SNX25: variants seen among roughly 807,000 people sequenced by gnomAD.
SNX25 encodes the protein sorting nexin-25.
In SNX25, 62 loss-of-function variants were observed where a neutral mutation model predicts 113.7. The ratio of observed to expected loss-of-function variants is 0.55; its 90% confidence interval spans 0.44 to 0.67. The LOEUF is 0.67. SNX25 is among the 30% of genes least tolerant of loss of function. SNX25 has a pLI of 0.00. For missense variants in SNX25, 1,014 were observed against 1,161.0 expected, an observed-to-expected ratio of 0.87 and a Z score of 1.84; for synonymous variants, 421 against 436.2, an observed-to-expected ratio of 0.97 and a Z score of 0.43.
chr4:185,345,177 G>T (rs1475802567), intron 12 of SNX25, among the ~76,000 whole-genome samples: 1 of 152,094 alleles, frequency 6.6e-6, no homozygotes, highest in Admixed American at 6.6e-5. Flanking sequence ...ATCTTTCCTC[G>T]TCTGTGGACT....
chr4:185,285,748 T>G (rs553116693), intron 5 of SNX25, among the ~76,000 whole-genome samples: 5 of 152,292 alleles, frequency 3.3e-5, no homozygotes, highest in African/African-American at 1.2e-4. Flanking sequence ...TCCCGTCTTC[T>G]TACTGCATCA....
rs1751734831 is a variant in SNX25, at chr4:185,288,778, CA to C, written c.1162+697del. Among the ~76,000 whole-genome samples the C allele has an allele frequency of 2.0e-5, 3 of 152,188 alleles. No homozygotes were observed. The South Asian group carries it at 6.2e-4, about 31-fold the overall frequency. On this transcript the variant is annotated intron_variant, in intron 6 of 18. Transcript: ENST00000652585. ...CCTGATGCTAGAATATTCCCCTTTG[CA>C]TGTACAAAGGTAGAGAACGTGTTAA...
chr4:185,227,134 A>G (rs1014795153), intron 1 of SNX25, among the ~76,000 whole-genome samples: 11 of 152,256 alleles, frequency 7.2e-5, no homozygotes, highest in African/African-American at 2.7e-4. Context: ...TGGAGCAAGG[A>G]AAATGTGCTC....
At chr4:185,236,679 T>A (rs752045053) in intron 1 of SNX25, among the ~76,000 whole-genome samples, 32 of 152,354 alleles carry the variant, frequency 2.1e-4, no homozygotes, top group Admixed American at 7.8e-4. Context: ...AGATGCAAAG[T>A]TGTATGTATA....
At chr4:185,322,736 A>C (rs182877308) in intron 8 of SNX25, among the ~76,000 whole-genome samples, 72 of 152,184 alleles carry the variant, frequency 4.7e-4, no homozygotes, top group African/African-American at 1.7e-3. Flanking sequence ...AGGTTTTCCT[A>C]AACTATGGAA....
At chr4:185,348,928 G>C (rs559757469) in intron 13 of SNX25, among the ~76,000 whole-genome samples, 1 of 145,324 alleles carries the variant, frequency 6.9e-6, no homozygotes, top group Non-Finnish European at 1.5e-5. Context: ...TTTTTTTTCA[G>C]ATTATACAGA....
downstream of SNX25, chr4:185,374,124 G>C: frequency 6.2e-7 from 1 of 1,602,976 alleles, no homozygotes; most frequent in African/African-American, 1.3e-5. Context: ...TTAAAAAAGA[G>C]GGAACGTTAC....
intron 9 of SNX25, among the ~76,000 whole-genome samples, chr4:185,331,803 A>G (rs2095197307): frequency 6.6e-6 from 1 of 152,126 alleles, no homozygotes; most frequent in Admixed American, 6.6e-5. Flanking sequence ...AAAAAAACCC[A>G]TGACAACAGC....
chr4:185,367,227 C>A (rs555878132), downstream of SNX25: 1 of 1,610,804 alleles, frequency 6.2e-7, no homozygotes, highest in Non-Finnish European at 8.5e-7. Flanking sequence ...TCTGCCAATG[C>A]GGGATTCAGA....
chr4:185,356,553 G>C (rs569245011), intron 15 of SNX25, among the ~76,000 whole-genome samples: 2 of 152,100 alleles, frequency 1.3e-5, no homozygotes, highest in African/African-American at 2.4e-5. Flanking sequence ...TTGACTTTAC[G>C]TGAAGAATTC....
intron 3 of SNX25, among the ~76,000 whole-genome samples, chr4:185,259,521 G>A (rs1349845298): frequency 6.6e-6 from 1 of 152,012 alleles, no homozygotes; most frequent in Non-Finnish European, 1.5e-5. Context: ...GGAGCTTCTG[G>A]GCTTTAACTA....
chr4:185,307,690 AG>A, intron 6 of SNX25, among the ~76,000 whole-genome samples: 1 of 152,196 alleles, frequency 6.6e-6, no homozygotes, highest in East Asian at 1.9e-4. Context: ...ACAGTGGAGG[AG>A]GTAGCCTTTC....
At chr4:185,328,756 C>T (rs547942589) in intron 9 of SNX25, among the ~76,000 whole-genome samples, 34 of 152,216 alleles carry the variant, frequency 2.2e-4, no homozygotes, top group African/African-American at 7.5e-4. Flanking sequence ...GACATGAACG[C>T]GAGCAGTGCC....
chr4:185,264,217 C>A (rs1391560495), intron 3 of SNX25, among the ~76,000 whole-genome samples: 8 of 152,150 alleles, frequency 5.3e-5, no homozygotes, highest in South Asian at 2.1e-4. Flanking sequence ...TACTGAAGTT[C>A]GTTGTTATGA....
At chr4:185,278,906 A>G (rs1051263989) in intron 5 of SNX25, among the ~76,000 whole-genome samples, 2 of 152,126 alleles carry the variant, frequency 1.3e-5, no homozygotes, top group African/African-American at 4.8e-5. Context: ...AGCACAGCAA[A>G]AATGTTTGGC....
the SNX25 span, chr4:185,375,518 A>ATATATATATATATATATATG: frequency 7.9e-6 from 1 of 126,920 alleles, no homozygotes; most frequent in African/African-American, 3.3e-5. Flanking sequence ...ATATATATGT[A>ATATATATATATATATATATG]TATATATATG....
At chr4:185,251,963 T>A (rs998138162) in intron 2 of SNX25, among the ~76,000 whole-genome samples, 1 of 152,156 alleles carries the variant, frequency 6.6e-6, no homozygotes, top group Non-Finnish European at 1.5e-5. Context: ...ACTTTGCTTT[T>A]TTTTTTCTTT....
intron 1 of SNX25, among the ~76,000 whole-genome samples, chr4:185,228,890 G>A (rs1741407985): frequency 6.6e-6 from 1 of 152,188 alleles, no homozygotes; most frequent in African/African-American, 2.4e-5. Flanking sequence ...GGATCAGGAA[G>A]CAGGTTTAGA....
At chr4:185,361,553 C>T (rs1345649441) in intron 16 of SNX25, among the ~76,000 whole-genome samples, 1 of 152,136 alleles carries the variant, frequency 6.6e-6, no homozygotes, top group Non-Finnish European at 1.5e-5. Flanking sequence ...GCCTGGCCAA[C>T]ATGGCGAAAC....
Sources: allele counts gnomAD v4.1 joint callset (sites outside exome capture counted in the v4.1 genomes callset), GRCh38; gene constraint gnomAD v4.1.1; transcripts MANE v1.5; gene names NCBI Gene and HGNC (gene_info 2026-07-23, HGNC 2026-07-21).